The following BAZ1A variants were observed in gnomAD, a reference collection of about 807,000 sequenced individuals.
BAZ1A encodes the protein bromodomain adjacent to zinc finger domain protein 1A.
In BAZ1A, 50 loss-of-function variants were observed where a neutral mutation model predicts 185.2. That is an observed-to-expected ratio of 0.27 (90% CI 0.22 to 0.34). The LOEUF is 0.34. BAZ1A is among the 10% of genes least tolerant of loss of function. The pLI is 1.00. For synonymous variants in BAZ1A, 571 were observed against 615.6 expected (o/e 0.93, Z 1.07); for missense variants, 1,356 against 1,839.9 (o/e 0.74, Z 4.81).
chr14:34,769,126 G>C (rs767741191), intron 21 of BAZ1A, among the ~76,000 whole-genome samples: 1 of 152,078 alleles, frequency 6.6e-6, no homozygotes, highest in Non-Finnish European at 1.5e-5. Context: ...GGTGAATGGA[G>C]AATTTCGATA....
chr14:34,838,517 C>G (rs1183646762), intron 3 of BAZ1A, among the ~76,000 whole-genome samples: 1 of 143,396 alleles, frequency 7.0e-6, no homozygotes, highest in Non-Finnish European at 1.6e-5. Context: ...ATGAGGGAAA[C>G]TATTTTTTTC....
intron 4 of BAZ1A, chr14:34,816,814 G>C: frequency 2.2e-6 from 1 of 445,942 alleles, no homozygotes; most frequent in Non-Finnish European, 4.5e-6. Flanking sequence ...GAGAATTTGT[G>C]ATTGTAGATC....
intron 3 of BAZ1A, among the ~76,000 whole-genome samples, chr14:34,833,896 CT>C (rs1223818474): frequency 6.6e-6 from 1 of 151,920 alleles, no homozygotes; most frequent in East Asian, 1.9e-4. Flanking sequence ...AAAAAAACAA[CT>C]TTTTTTATTC....
At chr14:34,763,565 G>A (rs930726204) in intron 23 of BAZ1A, among the ~76,000 whole-genome samples, 2 of 152,094 alleles carry the variant, frequency 1.3e-5, no homozygotes, top group Admixed American at 1.3e-4. Flanking sequence ...GTTAGACATA[G>A]GCACCTCATT....
At chr14:34,846,079 A>G (rs2042508312) in intron 3 of BAZ1A, among the ~76,000 whole-genome samples, 1 of 152,150 alleles carries the variant, frequency 6.6e-6, no homozygotes. Flanking sequence ...TCATGTGATG[A>G]GCCTATTATA....
At chr14:34,788,900 T>C (rs1566562774) in intron 12 of BAZ1A, among the ~76,000 whole-genome samples, 1 of 152,148 alleles carries the variant, frequency 6.6e-6, no homozygotes, top group Non-Finnish European at 1.5e-5. Flanking sequence ...CCTGACAAAA[T>C]TAACCTTAGA....
At position 34,826,112 on chromosome 14, in the gene BAZ1A, T is replaced by G. The variant is rs747310884; in HGVS notation, c.437A>C (p.Asn146Thr). 1 of 1,612,760 alleles carries G rather than the reference T, an allele frequency of 6.2e-7. No homozygotes were observed. Among genetic ancestry groups the G allele is most frequent in the South Asian group, 1.1e-5 (1 of 90,752 alleles). The change falls in exon 4 of 27, where the codon AAT (asparagine) becomes ACT (threonine). Residue 146 changes from asparagine to threonine, a missense_variant. This residue lies in a region of BAZ1A where 332 missense variants were observed against 395.3 expected (regional missense o/e 0.84). Coordinates refer to ENST00000360310, the MANE Select transcript of BAZ1A (RefSeq NM_013448.3). The part of the protein sequence containing the change: ...ILEVLPPSHQ[N>T]GFANGHVNSV... Reference sequence around the variant, plus strand: ...GTTAACATGTCCATTAGCAAAACCATTTTGATGTGATGGAGGGAGGACTTC... The same window carrying G: ...GTTAACATGTCCATTAGCAAAACCAGTTTGATGTGATGGAGGGAGGACTTC...
intron 8 of BAZ1A, among the ~76,000 whole-genome samples, 171 bp downstream of exon 8, chr14:34,800,923 T>G (rs779270811): frequency 3.3e-5 from 5 of 152,142 alleles, no homozygotes; most frequent in South Asian, 2.1e-4. Flanking sequence ...GCGGTCTTAT[T>G]TATAAAACAA....
At chr14:34,772,972 G>T (rs944517491) in intron 20 of BAZ1A, among the ~76,000 whole-genome samples, 2 of 152,136 alleles carry the variant, frequency 1.3e-5, no homozygotes, top group African/African-American at 4.8e-5. Context: ...AGGTTGCAGT[G>T]AGCTGAGATT....
chr14:34,762,289 TCTC>T, intron 23 of BAZ1A, 66 bp from the exon 24 acceptor site: 1 of 1,441,498 alleles, frequency 6.9e-7, no homozygotes, highest in East Asian at 2.3e-5. Context: ...TTAGCTCTAT[TCTC>T]CTTGTTGTAT....
chr14:34,823,764 G>T (rs2042121830), intron 4 of BAZ1A, among the ~76,000 whole-genome samples: 1 of 151,970 alleles, frequency 6.6e-6, no homozygotes, highest in Non-Finnish European at 1.5e-5. Flanking sequence ...TTAAGACTGG[G>T]CTTAGTTTTT....
At chr14:34,765,835 A>C (rs769452745) in intron 21 of BAZ1A, among the ~76,000 whole-genome samples, 4 of 152,232 alleles carry the variant, frequency 2.6e-5, no homozygotes, top group Non-Finnish European at 5.9e-5. Flanking sequence ...TAAAAAATTT[A>C]ATCATCTGAT....
At chr14:34,836,734 AC>A (rs1438348367) in intron 3 of BAZ1A, among the ~76,000 whole-genome samples, 4 of 152,046 alleles carry the variant, frequency 2.6e-5, no homozygotes, top group Non-Finnish European at 4.4e-5. Flanking sequence ...GAGTTAAAAA[AC>A]AAAAACCTTA....
At chr14:34,869,675 T>C (rs953220262) in intron 2 of BAZ1A, among the ~76,000 whole-genome samples, 6 of 152,188 alleles carry the variant, frequency 3.9e-5, no homozygotes, top group Admixed American at 1.3e-4. Context: ...ACTATAAAAT[T>C]GTAGCAACTG....
chr14:34,863,152 CTTTTTTTTTTTTTTTTTT>C (rs71121233), intron 2 of BAZ1A, among the ~76,000 whole-genome samples: 2 of 44,690 alleles, frequency 4.5e-5, no homozygotes, highest in Non-Finnish European at 9.6e-5. Context: ...CCACGCTCGG[CTTTTTTTTTTTTTTTTTT>C]TTTTTTTTTT....
chr14:34,764,893 G>T lies in BAZ1A; in HGVS notation c.3590C>A (p.Pro1197Gln). 6.2e-7 allele frequency: 1 copy of T among 1,613,992 alleles called. No individual in the cohort carries two copies. The highest frequency in any genetic ancestry group is 8.5e-7 in the Non-Finnish European group (1 of 1,179,998). ...EGDWFCPECR[P>Q]KQRSRRLSSR... ...GGAGAGTCTTCTAGAACGTTGCTTT[G>T]GTCGACATTCTGGACAAAACCAGTC... The change falls in exon 23 of 27, where the codon CCA (proline) becomes CAA (glutamine). Residue 1197 changes from proline to glutamine, a missense_variant. This residue lies in a region of BAZ1A where 309 missense variants were observed against 355.3 expected (regional missense o/e 0.87). Transcript: ENST00000360310.
At chr14:34,780,162 G>A in intron 17 of BAZ1A, 24 bp downstream of exon 17, 32 of 1,611,008 alleles carry the variant, frequency 2.0e-5, no homozygotes, top group Non-Finnish European at 2.7e-5. Context: ...ACACAAGAAT[G>A]CCCTAAAGAA....
At chr14:34,761,026 C>G (rs553959411) in intron 24 of BAZ1A, among the ~76,000 whole-genome samples, 1 of 152,002 alleles carries the variant, frequency 6.6e-6, no homozygotes, top group African/African-American at 2.4e-5. Flanking sequence ...CGCCTATAAT[C>G]CCAGTACTTT....
chr14:34,776,072 A>T lies in BAZ1A; in HGVS notation c.2680T>A (p.Phe894Ile). 1 of 1,614,164 alleles carries T rather than the reference A, an allele frequency of 6.2e-7. No individual in the cohort carries two copies. Among genetic ancestry groups the T allele is most frequent in the Non-Finnish European group, 8.5e-7 (1 of 1,180,010 alleles). ...KPVHKPNRWC[F>I]YSSCEQLDQL... ...TCTAGCTGTTCACAAGAACTGTAAA[A>T]GCACCACCGATTTGGCTTATGCACT... The change falls in exon 18 of 27, where the codon TTT becomes ATT. Residue 894 changes from phenylalanine (F) to isoleucine (I), a missense_variant. Physicochemically the swap from Phe to Ile is conservative, Grantham distance 21 (BLOSUM62 0). Transcript: ENST00000360310.
Sources: allele counts gnomAD v4.1 joint callset (sites outside exome capture counted in the v4.1 genomes callset), GRCh38; gene constraint gnomAD v4.1.1; regional missense constraint gnomAD v4.1.1; transcripts MANE v1.5; gene names NCBI Gene and HGNC (gene_info 2026-07-23, HGNC 2026-07-21).